The following ST6GALNAC5 variants were observed in gnomAD, a reference collection of about 807,000 sequenced individuals.
ST6GALNAC5 encodes ST6 N-acetylgalactosaminide alpha-2,6-sialyltransferase 5.
Under a neutral mutation model 33.6 loss-of-function variants are expected in ST6GALNAC5, and 27 were observed. The observed-to-expected ratio is 0.80, with a 90% CI of 0.59 to 1.11. ST6GALNAC5 has a LOEUF of 1.11. Ranked by LOEUF, ST6GALNAC5 falls within the 50% of genes least tolerant of loss-of-function variation. The probability of loss-of-function intolerance (pLI) is 0.00; values close to 1 mark genes in which losing one functional copy is unlikely to be tolerated. For missense variants in ST6GALNAC5, 428 were observed against 454.0 expected, an observed-to-expected ratio of 0.94 and a Z score of 0.52; for synonymous variants, 194 against 171.2, an observed-to-expected ratio of 1.13 and a Z score of -1.04.
chr1:76,895,747 C>T lies in ST6GALNAC5; in HGVS notation c.261+27005C>T, dbSNP rs141467637. Among the ~76,000 whole-genome samples, 618 of 152,148 alleles carry T rather than the reference C, an allele frequency of 4.1e-3. 3 individuals are homozygous for T. Among genetic ancestry groups the T allele is most frequent in the African/African-American group, 0.013 (559 of 41,504 alleles). On this transcript the variant is annotated intron_variant, in intron 2 of 4. Coordinates refer to ENST00000477717, the MANE Select transcript of ST6GALNAC5 (RefSeq NM_030965.3). ...CAGGGCATGTATGAGTAGTTGAGAA[C>T]GGTGAATAGGAGTATGACTAGACAG...
intron 2 of ST6GALNAC5, among the ~76,000 whole-genome samples, chr1:76,945,039 T>C (rs1317255638): frequency 2.6e-5 from 4 of 152,082 alleles, no homozygotes; most frequent in African/African-American, 9.7e-5. Context: ...AAATCAGGAC[T>C]GAGTCTGGGC....
chr1:76,993,889 C>A (rs541653276), intron 2 of ST6GALNAC5, among the ~76,000 whole-genome samples: 1 of 151,842 alleles, frequency 6.6e-6, no homozygotes, highest in East Asian at 1.9e-4. Flanking sequence ...TCTATTTGAA[C>A]TTCTATAGAA....
At chr1:77,015,016 C>T (rs554648691) in intron 2 of ST6GALNAC5, among the ~76,000 whole-genome samples, 2 of 151,206 alleles carry the variant, frequency 1.3e-5, no homozygotes, top group African/African-American at 4.9e-5. Flanking sequence ...CGGAATTCTC[C>T]AGAGAAACAG....
intron 2 of ST6GALNAC5, among the ~76,000 whole-genome samples, chr1:76,968,201 T>C (rs117024542): frequency 1.3e-5 from 2 of 152,314 alleles, no homozygotes; most frequent in East Asian, 3.9e-4. Flanking sequence ...CTCCCATTAT[T>C]ATTCTGCGGG....
chr1:77,009,161 G>A (rs577802645), intron 2 of ST6GALNAC5, among the ~76,000 whole-genome samples: 110 of 152,274 alleles, frequency 7.2e-4, no homozygotes, highest in Non-Finnish European at 1.3e-3. Context: ...GATTTTAGAG[G>A]TGTTAGAGAG....
At chr1:77,061,977 A>G (rs1652591574) in intron 4 of ST6GALNAC5, among the ~76,000 whole-genome samples, 1 of 152,176 alleles carries the variant, frequency 6.6e-6, no homozygotes, top group South Asian at 2.1e-4. Flanking sequence ...TGAAGCATCA[A>G]AAGAAAAATC....
At chr1:76,892,470 C>A (rs777923919) in intron 2 of ST6GALNAC5, among the ~76,000 whole-genome samples, 35 of 152,254 alleles carry the variant, frequency 2.3e-4, no homozygotes, top group Non-Finnish European at 3.4e-4. Flanking sequence ...TGATATTCAT[C>A]TTTATGAATA....
At chr1:76,973,927 G>C (rs1378889279) in intron 2 of ST6GALNAC5, among the ~76,000 whole-genome samples, 1 of 151,842 alleles carries the variant, frequency 6.6e-6, no homozygotes, top group Non-Finnish European at 1.5e-5. Flanking sequence ...GCCTTATTAT[G>C]AAACAGAACC....
At chr1:76,878,365 C>A (rs970717402) in intron 2 of ST6GALNAC5, among the ~76,000 whole-genome samples, 8 of 152,100 alleles carry the variant, frequency 5.3e-5, no homozygotes, top group Non-Finnish European at 1.0e-4. Flanking sequence ...TGGGGACCCA[C>A]CAGACCCACT....
At chr1:76,911,350 T>C (rs1250674052) in intron 2 of ST6GALNAC5, among the ~76,000 whole-genome samples, 1 of 152,156 alleles carries the variant, frequency 6.6e-6, no homozygotes, top group Non-Finnish European at 1.5e-5. Flanking sequence ...TTTGCCAGTA[T>C]TTTATTGAGG....
At chr1:77,058,379 C>A (rs1422008420) in intron 4 of ST6GALNAC5, among the ~76,000 whole-genome samples, 1 of 152,184 alleles carries the variant, frequency 6.6e-6, no homozygotes, top group Non-Finnish European at 1.5e-5. Context: ...GTCATGGGGG[C>A]AGATCCCTCA....
At chr1:76,884,204 C>T (rs895027717) in intron 2 of ST6GALNAC5, among the ~76,000 whole-genome samples, 36 of 152,162 alleles carry the variant, frequency 2.4e-4, no homozygotes, top group Admixed American at 5.9e-4. Flanking sequence ...TGTGTCTGTG[C>T]AGACAGTCTG....
Position 76,870,976 on chromosome 1 carries a change from T to C in ST6GALNAC5, c.261+2234T>C, listed in dbSNP as rs551510141. ...CTCAGAATGCCTTAACTGATTCTCT[T>C]TACCGCTACTATTTATCTGGCTGCA... On this transcript the variant is annotated intron_variant, in intron 2 of 4. Coordinates refer to ENST00000477717, the MANE Select transcript of ST6GALNAC5 (RefSeq NM_030965.3). 1.3e-3 allele frequency among the ~76,000 whole-genome samples: 194 copies of C among 152,354 alleles called. 2 individuals carry two copies. Among genetic ancestry groups the C allele is most frequent in the Middle Eastern group, 3.4e-3 (1 of 294 alleles).
chr1:77,032,739 G>A (rs1651505027), intron 2 of ST6GALNAC5, among the ~76,000 whole-genome samples: 1 of 152,154 alleles, frequency 6.6e-6, no homozygotes. Flanking sequence ...CTGTATTTAT[G>A]ATTCTGGTCA....
At chr1:76,963,877 AATC>A (rs2100353821) in intron 2 of ST6GALNAC5, among the ~76,000 whole-genome samples, 1 of 152,292 alleles carries the variant, frequency 6.6e-6, no homozygotes, top group Admixed American at 6.5e-5. Context: ...AACCCAACCT[AATC>A]ATATGAATCC....
intron 2 of ST6GALNAC5, among the ~76,000 whole-genome samples, chr1:76,907,588 A>G (rs569087876): frequency 6.6e-6 from 1 of 152,298 alleles, no homozygotes; most frequent in East Asian, 1.9e-4. Context: ...GGGAAGCCCC[A>G]GTACTTTACC....
intron 2 of ST6GALNAC5, among the ~76,000 whole-genome samples, chr1:77,010,191 A>G (rs1376203184): frequency 6.6e-6 from 1 of 152,122 alleles, no homozygotes; most frequent in Non-Finnish European, 1.5e-5. Flanking sequence ...GCAGATGGTC[A>G]TTGATTTAAA....
At chr1:76,871,977 C>G (rs1653515149) in intron 2 of ST6GALNAC5, among the ~76,000 whole-genome samples, 1 of 151,438 alleles carries the variant, frequency 6.6e-6, no homozygotes, top group Non-Finnish European at 1.5e-5. Flanking sequence ...CCAATGATAA[C>G]AAGATTGCTT....
At chr1:76,912,085 C>T (rs562960018) in intron 2 of ST6GALNAC5, among the ~76,000 whole-genome samples, 1 of 152,206 alleles carries the variant, frequency 6.6e-6, no homozygotes, top group South Asian at 2.1e-4. Flanking sequence ...TCCCTCTACA[C>T]ACTGTTTTGA....
Sources: gnomAD v4.1 joint callset for allele counts (sites outside exome capture counted in the v4.1 genomes callset) on GRCh38, gnomAD v4.1.1 for gene constraint, MANE v1.5 for transcripts, NCBI Gene and HGNC (gene_info 2026-07-23, HGNC 2026-07-21) for gene names.